The following ZNF385B variants were observed in gnomAD, a reference collection of about 807,000 sequenced individuals.
ZNF385B encodes zinc finger protein 533.
Under a neutral mutation model 39.2 loss-of-function variants are expected in ZNF385B, and 23 were observed. The observed-to-expected ratio is 0.59, with a 90% CI of 0.42 to 0.83. ZNF385B has a LOEUF of 0.83. Among genes scored for constraint, ZNF385B ranks in the 40% least tolerant of loss-of-function variants. The pLI, the probability that ZNF385B is intolerant of heterozygous loss-of-function variation, is 0.00. For missense variants in ZNF385B, 552 were observed against 598.9 expected (o/e 0.92, Z 0.82); for synonymous variants, 205 against 222.6 (o/e 0.92, Z 0.70).
At chr2:179,455,490 T>A (rs2050591081) in intron 6 of ZNF385B, among the ~76,000 whole-genome samples, 1 of 152,096 alleles carries the variant, frequency 6.6e-6, no homozygotes, top group African/African-American at 2.4e-5. Context: ...GCTGCCACCA[T>A]GTGAAGAAGG....
At chr2:179,782,761 A>C (rs1295420049) in intron 1 of ZNF385B, among the ~76,000 whole-genome samples, 2 of 152,188 alleles carry the variant, frequency 1.3e-5, no homozygotes, top group African/African-American at 4.8e-5. Flanking sequence ...AATATCTAGG[A>C]ATACCTTTAA....
At chr2:179,704,476 T>C (rs1699441962) in intron 3 of ZNF385B, among the ~76,000 whole-genome samples, 1 of 152,176 alleles carries the variant, frequency 6.6e-6, no homozygotes, top group South Asian at 2.1e-4. Flanking sequence ...AAATAGACTT[T>C]TCATTTTGGA....
chr2:179,769,767 C>T lies in ZNF385B; in HGVS notation c.34G>A (p.Glu12Lys). 1 of 1,613,614 alleles carries T rather than the reference C, an allele frequency of 6.2e-7. No homozygotes were observed. The highest frequency in any genetic ancestry group is 8.5e-7 in the Non-Finnish European group (1 of 1,179,710). ...TTTGCCATATTCATGATTCCATCTTCAAGATGGTTGTCAGGGCTTAAGGAG... is the reference window on the plus strand; with the variant it reads ...TTTGCCATATTCATGATTCCATCTTTAAGATGGTTGTCAGGGCTTAAGGAG... ...RYSLSPDNHL[E>K]DGIMNMANFL... Residue 12 changes from glutamate to lysine, a missense_variant, in exon 3 of 10, where the codon GAA becomes AAA. Physicochemically the swap from Glu to Lys is moderately conservative, Grantham distance 56 (BLOSUM62 1). Coordinates refer to ENST00000410066, the MANE Select transcript of ZNF385B (RefSeq NM_152520.6).
chr2:179,526,002 T>C (rs548080878), intron 4 of ZNF385B, among the ~76,000 whole-genome samples: 1 of 151,630 alleles, frequency 6.6e-6, no homozygotes, highest in South Asian at 2.1e-4. Flanking sequence ...ATACAAATGA[T>C]TGCATATTGT....
intron 1 of ZNF385B, among the ~76,000 whole-genome samples, chr2:179,797,629 T>C (rs1254145914): frequency 6.6e-6 from 1 of 152,208 alleles, no homozygotes; most frequent in Non-Finnish European, 1.5e-5. Context: ...AACCAGATTA[T>C]TGGTACTTCA....
intron 3 of ZNF385B, among the ~76,000 whole-genome samples, chr2:179,733,770 G>T (rs1387287586): frequency 1.6e-5 from 2 of 123,736 alleles, no homozygotes; most frequent in African/African-American, 3.3e-5. Flanking sequence ...GTGACAGAGC[G>T]AGACTCCGTC....
At position 179,701,038 on chromosome 2, in the gene ZNF385B, A is replaced by G. The variant is rs552250084; in HGVS notation, c.298+68465T>C. Among the ~76,000 whole-genome samples, 3 of 152,258 alleles carry G rather than the reference A, an allele frequency of 2.0e-5. No individual in the cohort carries two copies. In the East Asian group the frequency reaches 5.8e-4, roughly 29 times the overall value. On this transcript the variant is annotated intron_variant, in intron 3 of 9. Coordinates refer to ENST00000410066, the MANE Select transcript of ZNF385B (RefSeq NM_152520.6). Reference sequence around the variant, plus strand: ...AAAAAAACAAAACAAAAACAAAAACAAAACAAAAAAACACTCATTGGTATC... The same window carrying G: ...AAAAAAACAAAACAAAAACAAAAACGAAACAAAAAAACACTCATTGGTATC...
chr2:179,476,244 A>G (rs1250795795), intron 6 of ZNF385B, among the ~76,000 whole-genome samples: 1 of 152,198 alleles, frequency 6.6e-6, no homozygotes, highest in Non-Finnish European at 1.5e-5. Flanking sequence ...ATTTATGGTT[A>G]TACATTTACA....
chr2:179,707,299 A>G (rs1024829526), intron 3 of ZNF385B, among the ~76,000 whole-genome samples: 11 of 152,122 alleles, frequency 7.2e-5, no homozygotes, highest in Admixed American at 7.2e-4. Flanking sequence ...TACTCTCCAG[A>G]CTCAAGATGA....
chr2:179,609,244 A>G (rs568863307), intron 3 of ZNF385B, among the ~76,000 whole-genome samples: 1 of 152,046 alleles, frequency 6.6e-6, no homozygotes, highest in African/African-American at 2.4e-5. Context: ...GCCTCTGGTG[A>G]CCACTCATCA....
intron 6 of ZNF385B, among the ~76,000 whole-genome samples, chr2:179,477,653 T>C (rs2053572375): frequency 6.6e-6 from 1 of 152,200 alleles, no homozygotes; most frequent in Non-Finnish European, 1.5e-5. Flanking sequence ...CAATGCCCTG[T>C]CTCAGTGTTA....
chr2:179,515,387 T>C (rs1044750362), intron 5 of ZNF385B, among the ~76,000 whole-genome samples: 8 of 152,244 alleles, frequency 5.3e-5, no homozygotes, highest in African/African-American at 1.9e-4. Flanking sequence ...TGCATTGTAC[T>C]GAGAGATGTT....
At chr2:179,818,060 G>A (rs1707179646) in intron 1 of ZNF385B, among the ~76,000 whole-genome samples, 1 of 152,080 alleles carries the variant, frequency 6.6e-6, no homozygotes. Flanking sequence ...ATGTGTGTGT[G>A]TAGTATGTTG....
intron 3 of ZNF385B, among the ~76,000 whole-genome samples, chr2:179,672,265 A>T (rs1575171569): frequency 6.6e-6 from 1 of 152,136 alleles, no homozygotes; most frequent in Non-Finnish European, 1.5e-5. Flanking sequence ...TCCAGTGCCT[A>T]CCCCACCACT....
chr2:179,793,868 T>G (rs1465468285), intron 1 of ZNF385B, among the ~76,000 whole-genome samples: 1 of 152,260 alleles, frequency 6.6e-6, no homozygotes, highest in Non-Finnish European at 1.5e-5. Context: ...AGGAAGAAAG[T>G]AATGCTTTGC....
intron 4 of ZNF385B, among the ~76,000 whole-genome samples, chr2:179,537,766 CAAAA>C (rs151220146): frequency 3.1e-5 from 4 of 130,430 alleles, no homozygotes; most frequent in Non-Finnish European, 5.2e-5. Flanking sequence ...AACAAACAAA[CAAAA>C]AAAAAAATTA....
intron 3 of ZNF385B, among the ~76,000 whole-genome samples, chr2:179,752,441 T>C (rs1702737442): frequency 6.6e-6 from 1 of 152,242 alleles, no homozygotes. Flanking sequence ...ATCCTTTGGG[T>C]ATATACCCAG....
At chr2:179,849,120 AAAG>A (rs1274244370) in intron 1 of ZNF385B, among the ~76,000 whole-genome samples, 2 of 152,204 alleles carry the variant, frequency 1.3e-5, no homozygotes. Flanking sequence ...GTCAGATCAC[AAAG>A]AATACAGTCT....
chr2:179,470,890 C>T (rs1381088993), intron 6 of ZNF385B, among the ~76,000 whole-genome samples: 1 of 151,994 alleles, frequency 6.6e-6, no homozygotes, highest in Non-Finnish European at 1.5e-5. Flanking sequence ...AACAAACAAA[C>T]TGGATGAGGT....
Sources: allele counts gnomAD v4.1 joint callset (sites outside exome capture counted in the v4.1 genomes callset), GRCh38; gene constraint gnomAD v4.1.1; transcripts MANE v1.5; gene names NCBI Gene and HGNC (gene_info 2026-07-23, HGNC 2026-07-21).